NBAS: variants seen among roughly 807,000 people sequenced by gnomAD.
NBAS encodes NAG/BC035112 fusion.
A neutral mutation model predicts 302.5 loss-of-function variants in NBAS; 219 were observed. That is an observed-to-expected ratio of 0.72 (90% confidence interval 0.65 to 0.81). NBAS has a LOEUF of 0.81. NBAS is among the 30% of genes least tolerant of loss of function. The probability of loss-of-function intolerance (pLI) is 0.00; values close to 1 mark genes in which losing one functional copy is unlikely to be tolerated. For synonymous variants in NBAS, 1,118 were observed against 1,021.6 expected (o/e 1.09, Z -1.80); for missense variants, 2,932 against 2,841.6 (o/e 1.03, Z -0.72).
At chr2:15,320,458 G>A (rs567231406) in intron 38 of NBAS, among the ~76,000 whole-genome samples, 2 of 152,244 alleles carry the variant, frequency 1.3e-5, no homozygotes, top group East Asian at 3.9e-4. Flanking sequence ...AAGTCAAATT[G>A]TCTCTGTTTG....
chr2:15,093,025 G>A, the NBAS span, among the ~76,000 whole-genome samples: 2 of 152,162 alleles, frequency 1.3e-5, no homozygotes, highest in African/African-American at 2.4e-5. Context: ...GTCTGTCCCT[G>A]GCACTAGCGG....
At chr2:15,362,613 G>A (rs754571661) in intron 32 of NBAS, among the ~76,000 whole-genome samples, 12 of 152,070 alleles carry the variant, frequency 7.9e-5, no homozygotes, top group Admixed American at 2.0e-4. Context: ...TATTGGAAAC[G>A]GAATATGTAA....
the NBAS span, among the ~76,000 whole-genome samples, chr2:15,055,868 C>G: frequency 6.6e-6 from 1 of 152,166 alleles, no homozygotes; most frequent in Non-Finnish European, 1.5e-5. Flanking sequence ...TTTCAATATA[C>G]AGCAGATCCC....
the NBAS span, among the ~76,000 whole-genome samples, chr2:14,786,072 T>G: frequency 5.5e-4 from 84 of 152,334 alleles, 1 homozygote; most frequent in African/African-American, 1.8e-3. Flanking sequence ...GTCAAGGAAT[T>G]TATCCATTTC....
At chr2:15,548,916 C>T (rs1664243822) in intron 6 of NBAS, among the ~76,000 whole-genome samples, 1 of 152,094 alleles carries the variant, frequency 6.6e-6, no homozygotes, top group Admixed American at 6.6e-5. Flanking sequence ...GAACATAAGA[C>T]ATATAGCAGG....
the NBAS span, among the ~76,000 whole-genome samples, chr2:14,804,687 G>A: frequency 6.6e-6 from 1 of 152,046 alleles, no homozygotes; most frequent in Non-Finnish European, 1.5e-5. Context: ...TTTTAGCTCC[G>A]ATGTAAAGTA....
At chr2:15,266,306 T>G (rs1669074148) in intron 44 of NBAS, among the ~76,000 whole-genome samples, 1 of 152,224 alleles carries the variant, frequency 6.6e-6, no homozygotes, top group Non-Finnish European at 1.5e-5. Context: ...GTTAACATTT[T>G]GAGAGCTCCT....
chr2:15,318,708 A>C (rs1235195015), intron 38 of NBAS, among the ~76,000 whole-genome samples: 1 of 152,172 alleles, frequency 6.6e-6, no homozygotes, highest in Non-Finnish European at 1.5e-5. Context: ...AACTATCCTA[A>C]ATATATATGC....
In NBAS at chr2:15,178,894, AC is replaced by A. The variant is rs1459415758; in HGVS notation, c.6840+93del. ...CTATAGATATAGTAGTCTTCAATTA[AC>A]CACGGTGTTATTTATGAGAATGAAA... On this transcript the variant is annotated intron_variant, in intron 51 of 51. Transcript: ENST00000281513. 5 of 1,557,576 alleles carry A rather than the reference AC, an allele frequency of 3.2e-6. No homozygotes were observed. In the African/African-American group the frequency reaches 6.9e-5, roughly 21 times the overall value.
At chr2:14,983,037 T>C in the NBAS span, among the ~76,000 whole-genome samples, 8 of 152,216 alleles carry the variant, frequency 5.3e-5, no homozygotes, top group African/African-American at 1.9e-4. Flanking sequence ...ACATAGAATC[T>C]TTAGGCTACA....
chr2:14,944,678 C>A, the NBAS span, among the ~76,000 whole-genome samples: 1 of 150,216 alleles, frequency 6.7e-6, no homozygotes, highest in Non-Finnish European at 1.5e-5. Context: ...AGCAATCTTT[C>A]AAAACTCAAA....
At chr2:15,551,624 C>G in intron 5 of NBAS, 88 bp from the exon 6 acceptor site, 1 of 929,378 alleles carries the variant, frequency 1.1e-6, no homozygotes, top group Non-Finnish European at 1.7e-6. Context: ...TAGACAGCCT[C>G]TATATACAAT....
chr2:15,319,688 T>C (rs1239489704), intron 38 of NBAS, among the ~76,000 whole-genome samples: 2 of 151,950 alleles, frequency 1.3e-5, no homozygotes, highest in Non-Finnish European at 2.9e-5. Context: ...CTCCCAAGAC[T>C]AAACCAGGAA....
chr2:14,825,973 T>C, the NBAS span, among the ~76,000 whole-genome samples: 1,525 of 152,344 alleles, frequency 0.01, 32 homozygotes, highest in African/African-American at 0.036. Context: ...TGGATAATAA[T>C]ACAGACTTTT....
chr2:14,856,694 T>C, the NBAS span, among the ~76,000 whole-genome samples: 1 of 152,028 alleles, frequency 6.6e-6, no homozygotes, highest in African/African-American at 2.4e-5. Flanking sequence ...TTACTAACAG[T>C]ATTGATCAAG....
chr2:15,291,969 A>C (rs1670323985), intron 41 of NBAS, among the ~76,000 whole-genome samples: 1 of 152,182 alleles, frequency 6.6e-6, no homozygotes, highest in East Asian at 1.9e-4. Flanking sequence ...AGCTTAAAAA[A>C]TCATTATTTG....
chr2:15,065,795 A>T, the NBAS span, among the ~76,000 whole-genome samples: 1 of 152,134 alleles, frequency 6.6e-6, no homozygotes, highest in Non-Finnish European at 1.5e-5. Context: ...AAGACTTGTT[A>T]CTGCTAAATT....
At chr2:14,899,982 A>G in the NBAS span, among the ~76,000 whole-genome samples, 4 of 152,206 alleles carry the variant, frequency 2.6e-5, no homozygotes, top group African/African-American at 9.7e-5. Flanking sequence ...GTGATCAGTG[A>G]CTATTGCTAG....
intron 44 of NBAS, among the ~76,000 whole-genome samples, chr2:15,264,761 T>C (rs749717469): frequency 6.6e-6 from 1 of 152,196 alleles, no homozygotes; most frequent in African/African-American, 2.4e-5. Flanking sequence ...TTCATGGAGC[T>C]GGTGGGACAA....
Sources: gnomAD v4.1 joint callset for allele counts (sites outside exome capture counted in the v4.1 genomes callset) on GRCh38, gnomAD v4.1.1 for gene constraint, MANE v1.5 for transcripts, NCBI Gene and HGNC (gene_info 2026-07-23, HGNC 2026-07-21) for gene names.